Variants in ZFPM2 observed in about 807,000 individuals in gnomAD.
The protein encoded by ZFPM2 is zinc finger protein ZFPM2.
Under a neutral mutation model 98.6 loss-of-function variants are expected in ZFPM2, and 20 were observed. That is an observed-to-expected ratio of 0.20 (90% CI 0.14 to 0.29). ZFPM2 has a LOEUF of 0.29. ZFPM2 is among the 10% of genes least tolerant of loss of function. ZFPM2 has a pLI of 1.00. For missense variants in ZFPM2, 1,310 were observed against 1,388.6 expected (o/e 0.94, Z 0.90); for synonymous variants, 518 against 502.7 (o/e 1.03, Z -0.41).
At chr8:105,634,857 A>G (rs1816817673) in intron 5 of ZFPM2, among the ~76,000 whole-genome samples, 1 of 152,188 alleles carries the variant, frequency 6.6e-6, no homozygotes, top group African/African-American at 2.4e-5. Context: ...GTGATTTCTG[A>G]AGGGCAGGAG....
At chr8:105,528,615 T>A (rs1252077015) in intron 3 of ZFPM2, among the ~76,000 whole-genome samples, 1 of 152,106 alleles carries the variant, frequency 6.6e-6, no homozygotes, top group Non-Finnish European at 1.5e-5. Context: ...TTTGGAGAGA[T>A]CGTGTACAAA....
chr8:105,602,298 A>T (rs1360600914), intron 4 of ZFPM2, among the ~76,000 whole-genome samples: 4 of 152,116 alleles, frequency 2.6e-5, no homozygotes, highest in Non-Finnish European at 4.4e-5. Context: ...AGCCTCATGA[A>T]AAAAAAGGAT....
At chr8:105,581,662 C>T (rs895066155) in intron 4 of ZFPM2, among the ~76,000 whole-genome samples, 1 of 152,124 alleles carries the variant, frequency 6.6e-6, no homozygotes, top group Non-Finnish European at 1.5e-5. Flanking sequence ...CAATTTTCCC[C>T]TTCCAAGTTC....
At chr8:105,675,354 T>C (rs1208968635) in intron 5 of ZFPM2, among the ~76,000 whole-genome samples, 1 of 152,094 alleles carries the variant, frequency 6.6e-6, no homozygotes, top group Non-Finnish European at 1.5e-5. Flanking sequence ...AGGAGTGATA[T>C]CAGTAAATGT....
chr8:105,639,979 ATAT>A (rs895794340), intron 5 of ZFPM2, among the ~76,000 whole-genome samples: 44 of 152,136 alleles, frequency 2.9e-4, no homozygotes, highest in African/African-American at 9.1e-4. Context: ...GAAAATGATG[ATAT>A]TATTAATACT....
chr8:105,336,517 A>G (rs1404832454), intron 1 of ZFPM2, among the ~76,000 whole-genome samples: 1 of 151,700 alleles, frequency 6.6e-6, no homozygotes, highest in Admixed American at 6.6e-5. Flanking sequence ...TTTGTAGTTG[A>G]CGTAAGTTTT....
intron 4 of ZFPM2, among the ~76,000 whole-genome samples, chr8:105,596,740 T>C (rs1458852713): frequency 1.8e-5 from 2 of 111,570 alleles, no homozygotes; most frequent in South Asian, 2.8e-4. Context: ...CTTTGTCTGC[T>C]TTTTTTTTTT....
intron 4 of ZFPM2, among the ~76,000 whole-genome samples, chr8:105,567,534 G>C (rs374393522): frequency 6.6e-6 from 1 of 151,562 alleles, no homozygotes; most frequent in East Asian, 1.9e-4. Flanking sequence ...TGCTTACTTC[G>C]CCACAACCTT....
intron 3 of ZFPM2, among the ~76,000 whole-genome samples, chr8:105,525,726 G>C (rs1814160652): frequency 6.6e-6 from 1 of 152,158 alleles, no homozygotes; most frequent in South Asian, 2.1e-4. Context: ...AGTTGCTTTA[G>C]ATGTGTTATA....
At chr8:105,515,955 T>C (rs527994504) in intron 3 of ZFPM2, among the ~76,000 whole-genome samples, 1 of 144,426 alleles carries the variant, frequency 6.9e-6, no homozygotes, top group African/African-American at 2.6e-5. Flanking sequence ...TTTGCTCTCG[T>C]TGCCCAGGCT....
intron 3 of ZFPM2, among the ~76,000 whole-genome samples, chr8:105,522,321 A>T (rs1814080998): frequency 6.6e-6 from 1 of 152,230 alleles, no homozygotes; most frequent in South Asian, 2.1e-4. Context: ...GTTAGGAACG[A>T]TGTTTGGGAG....
At chr8:105,494,183 G>GTATATATATA (rs61035457) in intron 3 of ZFPM2, among the ~76,000 whole-genome samples, 711 of 59,904 alleles carry the variant, frequency 0.012, 36 homozygotes, top group Non-Finnish European at 0.015. Context: ...GCCACCAAAA[G>GTATATATATA]TATATATATA....
chr8:105,703,085 T>C (rs1286583617), intron 5 of ZFPM2, among the ~76,000 whole-genome samples: 1 of 152,156 alleles, frequency 6.6e-6, no homozygotes, highest in Admixed American at 6.5e-5. Flanking sequence ...AACATTCTTA[T>C]ATTCTGTAGA....
At chr8:105,537,773 C>T (rs1449576920) in intron 3 of ZFPM2, among the ~76,000 whole-genome samples, 2 of 151,810 alleles carry the variant, frequency 1.3e-5, no homozygotes, top group Admixed American at 1.3e-4. Context: ...GCTCTGTCAC[C>T]AGGCTGGAGT....
chr8:105,521,236 G>A (rs1026341892), intron 3 of ZFPM2, among the ~76,000 whole-genome samples: 1 of 151,850 alleles, frequency 6.6e-6, no homozygotes, highest in Non-Finnish European at 1.5e-5. Flanking sequence ...AGGGCCATCA[G>A]TAAATCTAGA....
intron 4 of ZFPM2, among the ~76,000 whole-genome samples, chr8:105,562,314 T>TAATAAATAAATA (rs35570669): frequency 4.5e-4 from 67 of 147,824 alleles, no homozygotes; most frequent in Middle Eastern, 6.9e-3. Context: ...CATCTCAAAA[T>TAATAAATAAATA]AATAAATAAA....
chr8:105,465,943 A>T (rs1812788579), intron 3 of ZFPM2, among the ~76,000 whole-genome samples: 1 of 152,028 alleles, frequency 6.6e-6, no homozygotes, highest in East Asian at 1.9e-4. Context: ...AATGAATTTA[A>T]CAAAATTTTT....
chr8:105,774,901 G>A (rs563846448), intron 5 of ZFPM2, among the ~76,000 whole-genome samples: 19 of 151,982 alleles, frequency 1.3e-4, no homozygotes, highest in African/African-American at 4.6e-4. Context: ...GCTTGAGGGG[G>A]ACGCGAAGAT....
At chr8:105,649,137 G>A (rs1817116206) in intron 5 of ZFPM2, among the ~76,000 whole-genome samples, 2 of 152,122 alleles carry the variant, frequency 1.3e-5, no homozygotes, top group South Asian at 2.1e-4. Context: ...TCTCTTTGAA[G>A]CAATTGTGAA....
Sources: gnomAD v4.1 joint callset for allele counts (sites outside exome capture counted in the v4.1 genomes callset) on GRCh38, gnomAD v4.1.1 for gene constraint, MANE v1.5 for transcripts, NCBI Gene and HGNC (gene_info 2026-07-23, HGNC 2026-07-21) for gene names.